The following SV2C variants were observed in gnomAD, a reference collection of about 807,000 sequenced individuals.
SV2C encodes solute carrier family 22 member B3.
SV2C carries 49 observed loss-of-function variants against 79.7 expected under a neutral mutation model. The ratio of observed to expected loss-of-function variants is 0.61; its 90% CI spans 0.49 to 0.78. SV2C has a LOEUF of 0.78. Among genes scored for constraint, SV2C ranks in the 30% least tolerant of loss-of-function variants. The pLI is 0.00. For synonymous variants in SV2C, 334 were observed against 333.2 expected (o/e 1.00, Z -0.03); for missense variants, 833 against 912.9 (o/e 0.91, Z 1.13).
chr5:76,244,645 T>C (rs1229052547), intron 4 of SV2C, among the ~76,000 whole-genome samples: 1 of 152,238 alleles, frequency 6.6e-6, no homozygotes, highest in Non-Finnish European at 1.5e-5. Flanking sequence ...CAGATGCAAG[T>C]TTTTATTGGA....
chr5:76,237,414 AT>A (rs1244597778), intron 4 of SV2C, among the ~76,000 whole-genome samples: 2 of 151,934 alleles, frequency 1.3e-5, no homozygotes, highest in Non-Finnish European at 2.9e-5. Context: ...TCTTACCACC[AT>A]TTTTTTACTG....
the SV2C span, among the ~76,000 whole-genome samples, chr5:75,922,902 T>C: frequency 6.6e-5 from 10 of 152,300 alleles, no homozygotes; most frequent in East Asian, 1.9e-3. Context: ...GCACTGAGCA[T>C]AGGGAATTGA....
At chr5:75,916,674 C>T in the SV2C span, among the ~76,000 whole-genome samples, 1 of 152,122 alleles carries the variant, frequency 6.6e-6, no homozygotes, top group Non-Finnish European at 1.5e-5. Context: ...GGGGTTTCAC[C>T]ATGCTGATCA....
chr5:76,183,737 T>C (rs182261268), intron 2 of SV2C, among the ~76,000 whole-genome samples: 123 of 152,250 alleles, frequency 8.1e-4, no homozygotes, highest in Admixed American at 2.5e-3. Context: ...GTCCTCTTGG[T>C]GTGCTATGCT....
chr5:76,325,211 C>G (rs1270474126), intron 12 of SV2C, among the ~76,000 whole-genome samples, 153 bp from the exon 13 acceptor site: 1 of 152,176 alleles, frequency 6.6e-6, no homozygotes, highest in Non-Finnish European at 1.5e-5. Context: ...CTAGGATTCT[C>G]TACTCCCAGA....
At chr5:76,080,785 C>A (rs1007135038), upstream of SV2C, among the ~76,000 whole-genome samples, 1 of 152,108 alleles carries the variant, frequency 6.6e-6, no homozygotes, top group African/African-American at 2.4e-5. Context: ...GGAGGGTATA[C>A]CCCTTTTCAC....
At chr5:75,855,175 C>A in the SV2C span, among the ~76,000 whole-genome samples, 4 of 152,098 alleles carry the variant, frequency 2.6e-5, no homozygotes, top group Non-Finnish European at 4.4e-5. Flanking sequence ...TTTTGAATTG[C>A]ATTGAATCTA....
At chr5:76,185,177 T>C (rs1743873310) in intron 2 of SV2C, among the ~76,000 whole-genome samples, 1 of 152,250 alleles carries the variant, frequency 6.6e-6, no homozygotes, top group Admixed American at 6.5e-5. Context: ...GTCACACTGA[T>C]ACAAGAGGTG....
chr5:76,232,220 G>T (rs549703226), intron 4 of SV2C, among the ~76,000 whole-genome samples: 2 of 145,720 alleles, frequency 1.4e-5, no homozygotes, highest in South Asian at 2.1e-4. Context: ...GTGTTTTTTG[G>T]CTGCATAAAT....
the SV2C span, among the ~76,000 whole-genome samples, chr5:76,061,511 T>C: frequency 1.3e-5 from 2 of 152,216 alleles, no homozygotes; most frequent in African/African-American, 2.4e-5. Flanking sequence ...TTGTCACCTT[T>C]ATTCCAGCAA....
chr5:76,116,304 G>A (rs10038280), intron 1 of SV2C, among the ~76,000 whole-genome samples: 41,954 of 152,096 alleles, frequency 0.28, 6,670 homozygotes, highest in East Asian at 0.47. Context: ...AAGAAAGCAA[G>A]CTTCCTACAA....
the SV2C span, among the ~76,000 whole-genome samples, chr5:75,988,736 C>A: frequency 8.0e-4 from 122 of 151,966 alleles, 1 homozygote; most frequent in African/African-American, 2.8e-3. Flanking sequence ...ATATGTCACA[C>A]CAAAATATGC....
chr5:76,100,643 A>G (rs1289606271), intron 1 of SV2C, among the ~76,000 whole-genome samples: 1 of 152,188 alleles, frequency 6.6e-6, no homozygotes, highest in Non-Finnish European at 1.5e-5. Flanking sequence ...GATCTCAATA[A>G]GCATGCATAC....
At chr5:75,896,675 G>T in the SV2C span, among the ~76,000 whole-genome samples, 4 of 151,500 alleles carry the variant, frequency 2.6e-5, no homozygotes, top group African/African-American at 9.8e-5. Context: ...CTAGTTTACA[G>T]TCCCACCAAC....
chr5:75,960,358 C>T, the SV2C span, among the ~76,000 whole-genome samples: 1 of 151,946 alleles, frequency 6.6e-6, no homozygotes, highest in African/African-American at 2.4e-5. Context: ...TGATGGATCA[C>T]TTATACAGTG....
At chr5:76,288,524 A>G (rs578072225) in intron 6 of SV2C, among the ~76,000 whole-genome samples, 8 of 152,356 alleles carry the variant, frequency 5.3e-5, no homozygotes, top group African/African-American at 1.9e-4. Context: ...TTGAGACATT[A>G]TCTGGATATA....
chr5:75,972,087 C>A, the SV2C span, among the ~76,000 whole-genome samples: 20 of 152,108 alleles, frequency 1.3e-4, no homozygotes, highest in African/African-American at 3.6e-4. Context: ...AGGATTCCCT[C>A]TTTAATAAAT....
the SV2C span, among the ~76,000 whole-genome samples, chr5:76,059,088 T>C: frequency 6.6e-6 from 1 of 152,150 alleles, no homozygotes; most frequent in Admixed American, 6.6e-5. Context: ...AGTAGTTTAA[T>C]TAAAAGATAT....
chr5:76,038,462 A>G, the SV2C span, among the ~76,000 whole-genome samples: 1 of 152,116 alleles, frequency 6.6e-6, no homozygotes, highest in Non-Finnish European at 1.5e-5. Flanking sequence ...CTTAACTTCT[A>G]TTTGCCTTGG....
Sources: allele counts gnomAD v4.1 joint callset (sites outside exome capture counted in the v4.1 genomes callset), GRCh38; gene constraint gnomAD v4.1.1; transcripts MANE v1.5; gene names NCBI Gene and HGNC (gene_info 2026-07-23, HGNC 2026-07-21).